Variants in CPS1 observed in about 807,000 individuals in gnomAD.
The protein encoded by CPS1 is carbamoyl-phosphate synthase [ammonia], mitochondrial.
CPS1 carries 109 observed loss-of-function variants against 174.6 expected under a neutral mutation model. The observed-to-expected ratio is 0.62, with a 90% CI of 0.53 to 0.73. CPS1 has a LOEUF of 0.73. Among genes scored for constraint, CPS1 ranks in the 30% least tolerant of loss-of-function variants. The pLI, the probability that CPS1 is intolerant of heterozygous loss-of-function variation, is 0.00. For synonymous variants in CPS1, 637 were observed against 632.0 expected (o/e 1.01, Z -0.12); for missense variants, 1,689 against 1,821.9 (o/e 0.93, Z 1.33).
intron 6 of CPS1, among the ~76,000 whole-genome samples, chr2:210,587,293 C>T (rs558281388): frequency 6.6e-6 from 1 of 152,132 alleles, no homozygotes; most frequent in East Asian, 1.9e-4. Context: ...AAATTCATAG[C>T]GTGCTAGCTA....
Position 210,602,343 on chromosome 2 carries a change from G to A in CPS1, c.1836+13G>A, listed in dbSNP as rs1239037348. 3.1e-6 allele frequency: 5 copies of A among 1,612,224 alleles called. No individual in the cohort carries two copies. Among genetic ancestry groups the A allele is most frequent in the Non-Finnish European group, 4.2e-6 (5 of 1,178,808 alleles). On this transcript the variant is annotated intron_variant, in intron 16 of 37. Transcript: ENST00000233072. ...CCTCAGCACAAAGGTATGTATTTTTGTAGACAATATTCTTACCAACCAAAA... is the reference window on the plus strand; with the variant it reads ...CCTCAGCACAAAGGTATGTATTTTTATAGACAATATTCTTACCAACCAAAA...
chr2:210,487,169 T>C (rs183506987), intron 1 of CPS1, among the ~76,000 whole-genome samples: 1,785 of 152,286 alleles, frequency 0.012, 15 homozygotes, highest in Non-Finnish European at 0.019. Context: ...AAATAAGCTA[T>C]TCTTAACTTT....
At chr2:210,486,957 C>G (rs778014328) in intron 1 of CPS1, among the ~76,000 whole-genome samples, 9 of 151,526 alleles carry the variant, frequency 5.9e-5, no homozygotes, top group Non-Finnish European at 7.4e-5. Context: ...TTCCAGGAAC[C>G]AAGCCTAAAA....
intron 33 of CPS1, among the ~76,000 whole-genome samples, chr2:210,664,640 A>G (rs1020463017): frequency 6.6e-6 from 1 of 152,050 alleles, no homozygotes; most frequent in Non-Finnish European, 1.5e-5. Context: ...AGCATGGCAA[A>G]TTTGTTTTCA....
At chr2:210,575,612 A>C (rs1442190919) in intron 2 of CPS1, among the ~76,000 whole-genome samples, 1 of 151,854 alleles carries the variant, frequency 6.6e-6, no homozygotes, top group Non-Finnish European at 1.5e-5. Context: ...CCCTAATTCC[A>C]TATCAGTACT....
chr2:210,519,600 C>T lies in CPS1; in HGVS notation c.4-37119C>T, dbSNP rs563739742. ...TTCAGAAATGATGGAGAAACTGACA[C>T]GTTATGAGTATTTCCTGCCCTACAT... is the stretch of plus-strand genomic sequence containing the variant. On this transcript the variant is annotated intron_variant, in intron 1 of 38. Coordinates refer to the CPS1 transcript ENST00000430249. 3.3e-5 allele frequency: 6 copies of T among 183,640 alleles called. No homozygotes were observed. The South Asian group carries it at 7.4e-4, about 23-fold the overall frequency. The allele number at this position is 183,640 out of a possible 1,614,324, so 11.4% of individuals were successfully genotyped here. A position where few individuals can be genotyped will look rare whatever the true frequency, so the allele number is the denominator to read the frequency against.
chr2:210,596,718 A>G (rs752970677), intron 13 of CPS1, among the ~76,000 whole-genome samples: 4 of 152,004 alleles, frequency 2.6e-5, no homozygotes, highest in Non-Finnish European at 2.9e-5. Flanking sequence ...TAGTTAGTAC[A>G]CAATCTAAGT....
At chr2:210,582,783 A>C in intron 6 of CPS1, 74 bp downstream of exon 6, 2 of 1,172,950 alleles carry the variant, frequency 1.7e-6, no homozygotes, top group East Asian at 2.4e-5. Context: ...CAAAATCTTT[A>C]TTTAGGCAGA....
chr2:210,599,128 G>T (rs936410505), intron 13 of CPS1, among the ~76,000 whole-genome samples: 3 of 151,860 alleles, frequency 2.0e-5, no homozygotes, highest in Admixed American at 1.3e-4. Flanking sequence ...CAGTGGCAAA[G>T]ATCACCTCAT....
rs147982933 is a variant in CPS1 at position 210,648,658 on chromosome 2, A to G, written c.3404+118A>G. ...GTAGTAATTTATAAATCCATTAACA[A>G]TTTCCAAACCATCACAGCCAGTTTA... On this transcript the variant is annotated intron_variant, in intron 27 of 37. Transcript: ENST00000233072. The G allele has an allele frequency of 3.2e-4, 284 of 887,336 alleles. No individual in the cohort carries two copies. In the African/African-American group the frequency reaches 4.1e-3, roughly 13 times the overall value. 55.0% of individuals were successfully genotyped at this position (887,336 alleles called of 1,614,324 possible). A position where few individuals can be genotyped will look rare whatever the true frequency, so the allele number is the denominator to read the frequency against.
At chr2:210,676,812 G>C (rs1002391990) in intron 36 of CPS1, among the ~76,000 whole-genome samples, 195 bp from the exon 37 acceptor site, 1 of 152,156 alleles carries the variant, frequency 6.6e-6, no homozygotes, top group Admixed American at 6.5e-5. Flanking sequence ...ACTTGCACTA[G>C]AATTCCTTCA....
intron 21 of CPS1, among the ~76,000 whole-genome samples, chr2:210,627,503 C>G (rs1038310922): frequency 6.6e-6 from 1 of 152,060 alleles, no homozygotes; most frequent in Non-Finnish European, 1.5e-5. Flanking sequence ...GTTGCTGACC[C>G]CAGAATTTCT....
intron 1 of CPS1, among the ~76,000 whole-genome samples, chr2:210,486,602 C>A (rs1215685500): frequency 6.6e-6 from 1 of 152,214 alleles, no homozygotes; most frequent in Non-Finnish European, 1.5e-5. Flanking sequence ...CCTCCGCCTC[C>A]TGGGTTCAAG....
chr2:210,604,105 T>C (rs553793605), intron 16 of CPS1, among the ~76,000 whole-genome samples: 91 of 151,964 alleles, frequency 6.0e-4, no homozygotes, highest in Non-Finnish European at 1.0e-3. Flanking sequence ...ATTGTTAACA[T>C]TGGCTACTGA....
At chr2:210,608,973 A>G (rs761063415) in intron 19 of CPS1, among the ~76,000 whole-genome samples, 6 of 151,974 alleles carry the variant, frequency 3.9e-5, no homozygotes, top group Non-Finnish European at 8.8e-5. Flanking sequence ...ACTTTAGTCC[A>G]TTCATGCAAA....
chr2:210,551,423 C>T (rs1258728167), intron 1 of CPS1, among the ~76,000 whole-genome samples: 1 of 151,988 alleles, frequency 6.6e-6, no homozygotes, highest in Non-Finnish European at 1.5e-5. Context: ...GTTGAATTAA[C>T]ATCTAACATG....
chr2:210,489,249 C>G (rs16844538), intron 1 of CPS1, among the ~76,000 whole-genome samples: 1,652 of 152,286 alleles, frequency 0.011, 21 homozygotes, highest in African/African-American at 0.035. Flanking sequence ...GATCTTCTCT[C>G]CTATCTCCTA....
At chr2:210,498,346 C>T (rs1695057201) in intron 1 of CPS1, among the ~76,000 whole-genome samples, 1 of 151,958 alleles carries the variant, frequency 6.6e-6, no homozygotes, top group Non-Finnish European at 1.5e-5. Flanking sequence ...TGTAGTAGTT[C>T]TCCTTGTAGA....
intron 1 of CPS1, among the ~76,000 whole-genome samples, chr2:210,559,652 AC>A (rs1484527760): frequency 6.6e-6 from 1 of 152,180 alleles, no homozygotes; most frequent in African/African-American, 2.4e-5. Flanking sequence ...ACTCATTATT[AC>A]ATTCAGCAGG....
Sources: allele counts gnomAD v4.1 joint callset (sites outside exome capture counted in the v4.1 genomes callset), GRCh38; gene constraint gnomAD v4.1.1; transcripts MANE v1.5; gene names NCBI Gene and HGNC (gene_info 2026-07-23, HGNC 2026-07-21).